Variants in CTNND2 observed in about 807,000 individuals in gnomAD.
CTNND2 encodes the protein catenin delta 2.
A neutral mutation model predicts 144.4 loss-of-function variants in CTNND2; 22 were observed. The observed-to-expected ratio is 0.15, with a 90% CI of 0.11 to 0.22. The LOEUF (loss-of-function observed/expected upper bound fraction) is 0.22, where lower values mean the gene tolerates loss of function less well. Among genes scored for constraint, CTNND2 ranks in the 10% least tolerant of loss-of-function variants. CTNND2 has a pLI of 1.00. For missense variants in CTNND2, 1,353 were observed against 1,618.8 expected, an observed-to-expected ratio of 0.84 and a Z score of 2.82; for synonymous variants, 751 against 695.6, an observed-to-expected ratio of 1.08 and a Z score of -1.25.
intron 9 of CTNND2, among the ~76,000 whole-genome samples, chr5:11,292,815 C>T (rs191131239): frequency 2.0e-5 from 3 of 152,264 alleles, no homozygotes; most frequent in African/African-American, 7.2e-5. Flanking sequence ...ATTGCCACAG[C>T]CCAGGAACTG....
In CTNND2 at chr5:11,089,729, G is replaced by A. The variant is rs536276026; in HGVS notation, c.2638-6883C>T. Among the ~76,000 whole-genome samples the A allele has an allele frequency of 1.3e-3, 194 of 152,306 alleles. No individual in the cohort carries two copies. The Middle Eastern group carries it at 0.014, about 11-fold the overall frequency. ...TGCTAGGGTTTAAAATGGTTACACA[G>A]CTGGGCACAGTGGCTCACGCCTGTA... On this transcript the variant is annotated intron_variant, in intron 15 of 21. Transcript: ENST00000304623.
rs868274183 is a variant in CTNND2, at chr5:11,602,789, A to C, written c.175-37733T>G. Among the ~76,000 whole-genome samples, 5 of 146,200 alleles carry C rather than the reference A, an allele frequency of 3.4e-5. No homozygotes were observed. The East Asian group carries it at 9.8e-4, about 29-fold the overall frequency. ...TAATAGATATAAATTAATAGATATA[A>C]ATATAATATATATTAATATATATTT... On this transcript the variant is annotated intron_variant, in intron 2 of 21. Coordinates refer to ENST00000304623, the MANE Select transcript of CTNND2 (RefSeq NM_001332.4).
intron 3 of CTNND2, among the ~76,000 whole-genome samples, chr5:11,506,746 C>T (rs1373401423): frequency 6.6e-6 from 1 of 152,192 alleles, no homozygotes; most frequent in African/African-American, 2.4e-5. Context: ...GGCAAAGTGC[C>T]TGATGGCTAG....
intron 2 of CTNND2, among the ~76,000 whole-genome samples, chr5:11,679,182 T>G (rs181062027): frequency 2.0e-5 from 3 of 152,136 alleles, no homozygotes; most frequent in Admixed American, 2.0e-4. Flanking sequence ...ACCCCTATCC[T>G]GGAGAACTGA....
chr5:10,981,734 C>T, intron 21 of CTNND2, 39 bp downstream of exon 21: 2 of 1,540,484 alleles, frequency 1.3e-6, no homozygotes, highest in Non-Finnish European at 1.8e-6. Context: ...ACATGAGTCA[C>T]ACTGAAAAGG....
intron 11 of CTNND2, among the ~76,000 whole-genome samples, chr5:11,197,028 A>G (rs1056417600): frequency 6.6e-6 from 1 of 152,206 alleles, no homozygotes; most frequent in Non-Finnish European, 1.5e-5. Context: ...TCTGTCAGTA[A>G]GGAAACTCAG....
chr5:11,514,802 G>A (rs1422223656), intron 3 of CTNND2, among the ~76,000 whole-genome samples: 1 of 152,088 alleles, frequency 6.6e-6, no homozygotes, highest in Non-Finnish European at 1.5e-5. Flanking sequence ...AAAATCACAT[G>A]CAGTGATATT....
chr5:11,059,924 G>A (rs1208671900), intron 16 of CTNND2, among the ~76,000 whole-genome samples: 1 of 151,956 alleles, frequency 6.6e-6, no homozygotes, highest in Admixed American at 6.6e-5. Flanking sequence ...TATAAAAAAT[G>A]GTAATTTTGT....
intron 9 of CTNND2, among the ~76,000 whole-genome samples, chr5:11,283,705 A>AAAAAG (rs1242454528): frequency 0.035 from 4,229 of 122,284 alleles, 373 homozygotes; most frequent in Non-Finnish European, 0.047. Flanking sequence ...AAAAAAAAAA[A>AAAAAG]AGAGAGAGAC....
intron 9 of CTNND2, among the ~76,000 whole-genome samples, chr5:11,271,021 A>G (rs1745946139): frequency 6.6e-6 from 1 of 152,238 alleles, no homozygotes; most frequent in South Asian, 2.1e-4. Context: ...TCTATTTTAA[A>G]AAATGTTTAA....
At position 11,777,799 on chromosome 5, in the gene CTNND2, C is replaced by T. The variant is rs572666083; in HGVS notation, c.38-45527G>A. ...CTGGTAAAAAATACAACTCTCCAGG[C>T]CTGGCTCTCTAAATAACCTTAGGTC... On this transcript the variant is annotated intron_variant, in intron 1 of 21. Transcript: ENST00000304623. Among the ~76,000 whole-genome samples, 12 of 152,254 alleles carry T rather than the reference C, an allele frequency of 7.9e-5. No homozygotes were observed. In the East Asian group the frequency reaches 2.1e-3, roughly 27 times the overall value.
intron 3 of CTNND2, among the ~76,000 whole-genome samples, chr5:11,477,413 T>C (rs1056254417): frequency 1.2e-4 from 18 of 151,984 alleles, no homozygotes; most frequent in African/African-American, 4.1e-4. Context: ...GTTTTTGTTT[T>C]GTTTTGTTTT....
intron 3 of CTNND2, among the ~76,000 whole-genome samples, chr5:11,507,114 T>C: frequency 6.6e-6 from 1 of 152,206 alleles, no homozygotes; most frequent in East Asian, 1.9e-4. Context: ...GGCTCGTACC[T>C]GGGACAGTAC....
At chr5:11,769,470 T>C (rs1025636771) in intron 1 of CTNND2, among the ~76,000 whole-genome samples, 1 of 152,238 alleles carries the variant, frequency 6.6e-6, no homozygotes, top group African/African-American at 2.4e-5. Flanking sequence ...ATTCTCGTGA[T>C]GTACTTAAAG....
At chr5:11,861,856 G>A (rs73048741) in intron 1 of CTNND2, among the ~76,000 whole-genome samples, 4,898 of 152,144 alleles carry the variant, frequency 0.032, 245 homozygotes, top group African/African-American at 0.11. Context: ...GAGTATACTC[G>A]GCATTCTCAC....
Position 10,989,583 on chromosome 5 carries a change from C to T in CTNND2, c.3212-1341G>A, listed in dbSNP as rs1220737883. The stretch of plus-strand genomic sequence containing the variant: ...AACTTCAGTTTACCTTCGAGCTTAT[C>T]ATTCACACCCTCTGTAGGGTCTCTT... On this transcript the variant is annotated intron_variant, in intron 19 of 21. Coordinates refer to ENST00000304623, the MANE Select transcript of CTNND2 (RefSeq NM_001332.4). 2.6e-5 allele frequency among the ~76,000 whole-genome samples: 4 copies of T among 152,354 alleles called. No homozygotes were observed. The East Asian group carries it at 7.7e-4, about 29-fold the overall frequency.
At chr5:11,586,261 G>A (rs1025434666) in intron 2 of CTNND2, among the ~76,000 whole-genome samples, 8 of 152,038 alleles carry the variant, frequency 5.3e-5, no homozygotes, top group African/African-American at 1.9e-4. Context: ...CCTTGGCCAC[G>A]ACACCAGCAC....
At chr5:10,992,750 C>A (rs1738840467) in intron 18 of CTNND2, 73 bp from the exon 19 acceptor site, 2 of 1,559,104 alleles carry the variant, frequency 1.3e-6, no homozygotes, top group Non-Finnish European at 1.7e-6. Flanking sequence ...TTTTTAAGTT[C>A]CAAGTATCTG....
intron 19 of CTNND2, among the ~76,000 whole-genome samples, chr5:10,991,511 G>A (rs1738679757): frequency 6.6e-6 from 1 of 152,140 alleles, no homozygotes; most frequent in South Asian, 2.1e-4. Context: ...TAAACTGTGA[G>A]GAAAACAGCA....
Sources: gnomAD v4.1 joint callset for allele counts (sites outside exome capture counted in the v4.1 genomes callset) on GRCh38, gnomAD v4.1.1 for gene constraint, MANE v1.5 for transcripts, NCBI Gene and HGNC (gene_info 2026-07-23, HGNC 2026-07-21) for gene names.